PLA2G4C: variants seen among roughly 807,000 people sequenced by gnomAD.
PLA2G4C encodes cytosolic phospholipase A2 gamma.
Under a neutral mutation model 73.8 loss-of-function variants are expected in PLA2G4C, and 64 were observed. The ratio of observed to expected loss-of-function variants is 0.87; its 90% CI spans 0.71 to 1.07. The LOEUF is 1.07. Ranked by LOEUF, PLA2G4C falls within the 50% of genes least tolerant of loss-of-function variation. PLA2G4C has a pLI of 0.00. For synonymous variants in PLA2G4C, 254 were observed against 252.1 expected (o/e 1.01, Z -0.07); for missense variants, 622 against 665.4 (o/e 0.93, Z 0.72).
chr19:48,096,850 G>A (rs1158498397), intron 6 of PLA2G4C: 1 of 151,976 alleles, frequency 6.6e-6, no homozygotes, highest in African/African-American at 2.4e-5. Context: ...TATGGAGAAG[G>A]AAGACATCTA....
In PLA2G4C at chr19:48,051,040, G is replaced by A. The variant is rs116008559; in HGVS notation, c.1580+1957C>T. Among the ~76,000 whole-genome samples, 799 of 152,270 alleles carry A rather than the reference G, an allele frequency of 5.2e-3. 8 individuals are homozygous for A. Among genetic ancestry groups the A allele is most frequent in the African/African-American group, 0.019 (770 of 41,556 alleles). ...GATTAATCTAAGGATCCTGAGATGA[G>A]GAGAGGATCCTGGGTATCTGGGTGG... On this transcript the variant is annotated intron_variant, in intron 16 of 16. Transcript: ENST00000599921.
At chr19:48,071,753 T>A (rs866748551) in intron 12 of PLA2G4C, among the ~76,000 whole-genome samples, 20 of 152,242 alleles carry the variant, frequency 1.3e-4, no homozygotes, top group Non-Finnish European at 8.8e-5. Flanking sequence ...CTGGCTTTTT[T>A]AAATGTTTTA....
chr19:48,063,500 G>A (rs1238632743), intron 13 of PLA2G4C, among the ~76,000 whole-genome samples: 2 of 151,802 alleles, frequency 1.3e-5, no homozygotes, highest in Admixed American at 6.6e-5. Flanking sequence ...TTGGGGTCCC[G>A]AGATTTATTT....
chr19:48,064,454 A>G (rs1385223723), intron 13 of PLA2G4C, among the ~76,000 whole-genome samples: 1 of 151,438 alleles, frequency 6.6e-6, no homozygotes, highest in African/African-American at 2.4e-5. Context: ...ACCAAAAACC[A>G]TAATTACTAT....
At chr19:48,060,805 T>C (rs1331237803) in intron 14 of PLA2G4C, among the ~76,000 whole-genome samples, 1 of 152,060 alleles carries the variant, frequency 6.6e-6, no homozygotes, top group Non-Finnish European at 1.5e-5. Flanking sequence ...TGGATCATGG[T>C]ATGGGGAGGA....
At position 48,098,226 on chromosome 19, in the gene PLA2G4C, G is replaced by T; in HGVS notation, c.481C>A (p.Pro161Thr). 5 of 1,613,420 alleles carry T rather than the reference G, an allele frequency of 3.1e-6. No homozygotes were observed. Among genetic ancestry groups the T allele is most frequent in the Non-Finnish European group, 4.2e-6 (5 of 1,179,668 alleles). ...TAGGGTAGTGTCCCTTCTTCCACGG[G>T]CTTCTTCATATTGGACAAATGAGAC... ...PESHLSNMKK[P>T]VEEGTLPYPI... is the part of the protein sequence containing the mutation. Residue 161 changes from proline to threonine, a missense_variant, in exon 6 of 17, where the codon CCC (proline) becomes ACC (threonine). Pro to Thr is a conservative substitution (Grantham distance 38). Transcript: ENST00000599921.
At position 48,072,144 on chromosome 19, in the gene PLA2G4C, TCAAA is replaced by T. The variant is rs796653033; in HGVS notation, c.1006+2619_1006+2622del. 3.0e-4 allele frequency among the ~76,000 whole-genome samples: 45 copies of T among 151,964 alleles called. 1 individual carries two copies. Among genetic ancestry groups the T allele is most frequent in the African/African-American group, 1.0e-3 (43 of 41,444 alleles). On this transcript the variant is annotated intron_variant, in intron 12 of 16. Coordinates refer to ENST00000599921, the MANE Select transcript of PLA2G4C (RefSeq NM_003706.3). This position sits in a 1 kb window ranked among gnomAD's most constrained non-coding sequence, Gnocchi z 4.4. ...TTGGGTGACAGAGCGAGACTCCATC[TCAAA>T]CAAACAAACAAAAACAAAAAACAAA...
At chr19:48,076,910 G>A (rs759504435) in intron 11 of PLA2G4C, among the ~76,000 whole-genome samples, 1 of 152,184 alleles carries the variant, frequency 6.6e-6, no homozygotes, top group East Asian at 1.9e-4. Context: ...AGCAATTTGT[G>A]GTTTCTTTGC....
chr19:48,058,711 A>G (rs1181623158), intron 14 of PLA2G4C, among the ~76,000 whole-genome samples: 1 of 150,972 alleles, frequency 6.6e-6, no homozygotes, highest in African/African-American at 2.4e-5. Context: ...CCAGCTACTC[A>G]GGAGGCTGAG....
intron 4 of PLA2G4C, among the ~76,000 whole-genome samples, chr19:48,100,737 G>C (rs952114601): frequency 1.4e-5 from 2 of 146,132 alleles, no homozygotes; most frequent in African/African-American, 2.7e-5. Context: ...GTGAAACCCC[G>C]TCTCTACTAA....
chr19:48,067,959 T>C (rs2122516987), intron 12 of PLA2G4C, 73 bp from the exon 13 acceptor site: 1 of 1,031,864 alleles, frequency 9.7e-7, no homozygotes, highest in South Asian at 1.3e-5. Flanking sequence ...CAAAGTCATA[T>C]GTGGAAGCCC....
At chr19:48,068,590 G>A (rs1968537697) in intron 12 of PLA2G4C, among the ~76,000 whole-genome samples, 1 of 152,006 alleles carries the variant, frequency 6.6e-6, no homozygotes, top group South Asian at 2.1e-4. Flanking sequence ...TATTCAGAAG[G>A]CTGAGGCAGG....
At chr19:48,086,753 T>C (rs895193662) in intron 9 of PLA2G4C, among the ~76,000 whole-genome samples, 4 of 152,026 alleles carry the variant, frequency 2.6e-5, no homozygotes, top group African/African-American at 9.7e-5. Context: ...AAGGAGAAAA[T>C]GGCTCTATGT....
intron 14 of PLA2G4C, among the ~76,000 whole-genome samples, chr19:48,058,472 G>T (rs576369932): frequency 1.3e-5 from 2 of 152,186 alleles, no homozygotes; most frequent in African/African-American, 4.8e-5. Flanking sequence ...TATCATGAAG[G>T]TGCTTCATAC....
At chr19:48,105,251 C>T in intron 3 of PLA2G4C, 82 bp downstream of exon 3, 3 of 861,730 alleles carry the variant, frequency 3.5e-6, no homozygotes, top group Non-Finnish European at 5.7e-6. Flanking sequence ...TCCAGCTCTC[C>T]CTGGCTGAGT....
chr19:48,078,742 C>T (rs1404238333), intron 10 of PLA2G4C, among the ~76,000 whole-genome samples: 4 of 152,278 alleles, frequency 2.6e-5, no homozygotes, highest in Admixed American at 2.6e-4. Context: ...AATGGAAACA[C>T]ATCCCATGCT....
intron 10 of PLA2G4C, among the ~76,000 whole-genome samples, chr19:48,084,040 T>TTGTGTGTGTGGG (rs2030820320): frequency 7.2e-6 from 1 of 139,130 alleles, no homozygotes; most frequent in Non-Finnish European, 1.5e-5. Context: ...AATGCCAATT[T>TTGTGTGTGTGGG]TGTGTGTGTG....
chr19:48,097,974 G>T, intron 6 of PLA2G4C, 165 bp downstream of exon 6: 1 of 691,878 alleles, frequency 1.4e-6, no homozygotes. Flanking sequence ...GTCACTTCTG[G>T]GACTTCCCTC....
chr19:48,055,672 C>T (rs1967914414), intron 14 of PLA2G4C, among the ~76,000 whole-genome samples: 2 of 151,846 alleles, frequency 1.3e-5, no homozygotes, highest in African/African-American at 2.4e-5. Flanking sequence ...CAGAGTTTCA[C>T]TCTTGTTGCC....
Sources: gnomAD v4.1 joint callset for allele counts (sites outside exome capture counted in the v4.1 genomes callset) on GRCh38, gnomAD v4.1.1 for gene constraint, Gnocchi (gnomAD v3.1) non-coding constraint, MANE v1.5 for transcripts, NCBI Gene and HGNC (gene_info 2026-07-23, HGNC 2026-07-21) for gene names.